ARRDC5: variants seen among roughly 807,000 people sequenced by gnomAD.
ARRDC5 encodes arrestin domain containing 5, also known as arrestin domain-containing protein 5.
In ARRDC5, 12 loss-of-function variants were observed where a neutral mutation model predicts 13.3. The observed-to-expected ratio is 0.90, with a 90% CI of 0.58 to 1.46. The LOEUF is 1.46. Among genes scored for constraint, ARRDC5 ranks in the 40% most tolerant of loss-of-function variants. The pLI is 0.00. For synonymous variants in ARRDC5, 181 were observed against 173.4 expected, an observed-to-expected ratio of 1.04 and a Z score of -0.34; for missense variants, 406 against 418.7, an observed-to-expected ratio of 0.97 and a Z score of 0.26.
At chr19:4,899,034 G>A (rs1278756860) in intron 1 of ARRDC5, among the ~76,000 whole-genome samples, 1 of 152,106 alleles carries the variant, frequency 6.6e-6, no homozygotes, top group African/African-American at 2.4e-5. Context: ...CCTGGAACAG[G>A]CATGGTGGCT....
intron 1 of ARRDC5, among the ~76,000 whole-genome samples, chr19:4,897,654 C>G (rs540344418): frequency 6.6e-6 from 1 of 152,272 alleles, no homozygotes; most frequent in South Asian, 2.1e-4. Flanking sequence ...AGAGCTGGGA[C>G]TACAGGCCCA....
At chr19:4,905,504 T>C (rs1277716587), upstream of ARRDC5, among the ~76,000 whole-genome samples, 1 of 151,492 alleles carries the variant, frequency 6.6e-6, no homozygotes, top group Non-Finnish European at 1.5e-5. Context: ...TTAGTGTATT[T>C]TATTATTTAT....
chr19:4,909,160 A>G, the ARRDC5 span: 5 of 340,472 alleles, frequency 1.5e-5, no homozygotes, highest in East Asian at 1.8e-4. Flanking sequence ...CTACTGGTCA[A>G]TGCGTGCGAG....
intron 1 of ARRDC5, among the ~76,000 whole-genome samples, chr19:4,900,925 G>A (rs1599220969): frequency 2.6e-5 from 4 of 151,904 alleles, no homozygotes; most frequent in Admixed American, 2.0e-4. Flanking sequence ...AGGCTGAGGC[G>A]GGACAATCGG....
intron 1 of ARRDC5, among the ~76,000 whole-genome samples, chr19:4,899,764 C>CAAA (rs1217500792): frequency 0.28 from 18,372 of 66,294 alleles, 2,337 homozygotes; most frequent in East Asian, 0.32. Context: ...CCCGTCTCTA[C>CAAA]AAAAAAAAAA....
intron 2 of ARRDC5, among the ~76,000 whole-genome samples, chr19:4,895,559 C>T (rs2031683896): frequency 6.6e-6 from 1 of 152,056 alleles, no homozygotes; most frequent in Non-Finnish European, 1.5e-5. Flanking sequence ...GGCCAACGTC[C>T]CTCCTCCCAC....
At chr19:4,899,172 C>T (rs1423310885) in intron 1 of ARRDC5, among the ~76,000 whole-genome samples, 1 of 151,438 alleles carries the variant, frequency 6.6e-6, no homozygotes, top group Non-Finnish European at 1.5e-5. Flanking sequence ...ATTAGCTGGG[C>T]GTGGTGGCGG....
chr19:4,894,240 G>C (rs1445912306), intron 2 of ARRDC5, among the ~76,000 whole-genome samples: 1 of 151,094 alleles, frequency 6.6e-6, no homozygotes, highest in Non-Finnish European at 1.5e-5. Context: ...GGCCGGGCGC[G>C]GTGGCTCACG....
chr19:4,894,296 G>A (rs967470528), intron 2 of ARRDC5, among the ~76,000 whole-genome samples: 14 of 151,486 alleles, frequency 9.2e-5, no homozygotes, highest in African/African-American at 3.4e-4. Context: ...CGGATCACAA[G>A]GTCAGGAGAT....
At chr19:4,894,324 A>G (rs986489970) in intron 2 of ARRDC5, among the ~76,000 whole-genome samples, 1 of 150,786 alleles carries the variant, frequency 6.6e-6, no homozygotes, top group Non-Finnish European at 1.5e-5. Flanking sequence ...ATCCCGGCTA[A>G]AACGGTGAAA....
At chr19:4,897,105 C>T (rs1372726876) in intron 1 of ARRDC5, among the ~76,000 whole-genome samples, 2 of 152,034 alleles carry the variant, frequency 1.3e-5, no homozygotes, top group East Asian at 3.9e-4. Flanking sequence ...TACAGGCGTG[C>T]ACCACCACAC....
At chr19:4,911,765 T>A in the ARRDC5 span, among the ~76,000 whole-genome samples, 1 of 152,110 alleles carries the variant, frequency 6.6e-6, no homozygotes, top group South Asian at 2.1e-4. Flanking sequence ...GGTGTTTTTG[T>A]GGGGGACTGT....
the ARRDC5 span, among the ~76,000 whole-genome samples, chr19:4,912,113 A>G: frequency 1.3e-5 from 2 of 152,138 alleles, no homozygotes; most frequent in African/African-American, 2.4e-5. Context: ...CTCTTCCCGT[A>G]AGAGACGTGA....
chr19:4,893,886 C>CA (rs35680888), intron 2 of ARRDC5, among the ~76,000 whole-genome samples: 1,977 of 140,084 alleles, frequency 0.014, 15 homozygotes, highest in Non-Finnish European at 0.021. Context: ...ACTAAAAATA[C>CA]AAAAAAAAAA....
intron 2 of ARRDC5, among the ~76,000 whole-genome samples, chr19:4,896,359 TTTACACACAC>T (rs1369189126): frequency 7.5e-4 from 62 of 82,958 alleles, no homozygotes; most frequent in African/African-American, 2.8e-3. Context: ...TTTTTTTTTT[TTTACACACAC>T]ACACACACAC....
chr19:4,894,278 G>T, intron 2 of ARRDC5, among the ~76,000 whole-genome samples: 1 of 151,242 alleles, frequency 6.6e-6, no homozygotes. Context: ...TTGGGAGGCC[G>T]AGGCGGGCGG....
the ARRDC5 span, among the ~76,000 whole-genome samples, chr19:4,911,852 G>T: frequency 1.3e-5 from 2 of 152,076 alleles, no homozygotes; most frequent in Admixed American, 1.3e-4. Context: ...TGCTGGAGTT[G>T]GTTGGACCGT....
chr19:4,894,008 A>G (rs1034948396), intron 2 of ARRDC5, among the ~76,000 whole-genome samples: 1 of 148,920 alleles, frequency 6.7e-6, no homozygotes. Flanking sequence ...AGATAGCGCC[A>G]CTACACTCCA....
chr19:4,911,639 C>G, the ARRDC5 span, among the ~76,000 whole-genome samples: 1 of 152,184 alleles, frequency 6.6e-6, no homozygotes. Context: ...TCGTCTCTTT[C>G]TCTGTTCTGT....
Sources: allele counts gnomAD v4.1 joint callset (sites outside exome capture counted in the v4.1 genomes callset), GRCh38; gene constraint gnomAD v4.1.1; transcripts MANE v1.5; gene names NCBI Gene and HGNC (gene_info 2026-07-23, HGNC 2026-07-21).